Variants in PLEKHG1 observed in about 807,000 individuals in gnomAD.
PLEKHG1 encodes the protein pleckstrin homology domain-containing family G member 1.
In PLEKHG1, 44 loss-of-function variants were observed where a neutral mutation model predicts 100.8. The ratio of observed to expected loss-of-function variants is 0.44; its 90% CI spans 0.34 to 0.56. The LOEUF (loss-of-function observed/expected upper bound fraction) is 0.56, where lower values mean the gene tolerates loss of function less well. PLEKHG1 is among the 20% of genes least tolerant of loss of function. The probability of loss-of-function intolerance (pLI) is 0.01; values close to 1 mark genes in which losing one functional copy is unlikely to be tolerated. For missense variants in PLEKHG1, 1,545 were observed against 1,720.9 expected (o/e 0.90, Z 1.81); for synonymous variants, 640 against 662.5 (o/e 0.97, Z 0.52).
intron 10 of PLEKHG1, among the ~76,000 whole-genome samples, chr6:150,817,290 G>T (rs752516894): frequency 4.0e-4 from 61 of 152,180 alleles, no homozygotes; most frequent in Non-Finnish European, 7.2e-4. Context: ...CTTCAGGGCC[G>T]TCTCACTCTG....
chr6:150,830,161 G>A (rs1776836000), intron 14 of PLEKHG1, among the ~76,000 whole-genome samples: 1 of 152,146 alleles, frequency 6.6e-6, no homozygotes. Context: ...TGAACCTTTA[G>A]GAACCTAGAT....
Position 150,831,111 on chromosome 6 carries a change from A to C in PLEKHG1, c.2000A>C (p.Glu667Ala). 1 of 1,614,078 alleles carries C rather than the reference A, an allele frequency of 6.2e-7. No individual in the cohort carries two copies. Among genetic ancestry groups the C allele is most frequent in the Non-Finnish European group, 8.5e-7 (1 of 1,179,966 alleles). ...CATGTCTATGATAACATCAGTTATG[A>C]GGACTTAAAACTAATGGTTGCTAAG... The change falls in exon 15 of 16, where the codon GAG becomes GCG. Residue 667 changes from glutamate (E) to alanine (A), a missense_variant. By Grantham distance (107) the Glu-to-Ala change is moderately radical (BLOSUM62 -1). Coordinates refer to ENST00000358517, the Ensembl canonical transcript of PLEKHG1. The surrounding 1 kb of genome is among the most constrained non-coding windows in gnomAD (Gnocchi z 4.1).
intron 3 of PLEKHG1, among the ~76,000 whole-genome samples, chr6:150,702,407 T>A (rs984406781): frequency 6.6e-6 from 1 of 151,988 alleles, no homozygotes; most frequent in East Asian, 1.9e-4. Flanking sequence ...GAGGCAGAGG[T>A]TGCAGAGAGC....
At chr6:150,774,748 C>A (rs954773530) in intron 3 of PLEKHG1, among the ~76,000 whole-genome samples, 5 of 151,806 alleles carry the variant, frequency 3.3e-5, no homozygotes, top group Non-Finnish European at 7.4e-5. Flanking sequence ...CTGTGTTGGC[C>A]AGGCTGGTCA....
intron 3 of PLEKHG1, among the ~76,000 whole-genome samples, chr6:150,652,737 A>G (rs541956660): frequency 1.2e-3 from 179 of 151,426 alleles, no homozygotes; most frequent in African/African-American, 3.8e-3. Context: ...AAAAAAAAAG[A>G]AAAAAGGAAA....
At chr6:150,674,544 T>C (rs1315197248) in intron 3 of PLEKHG1, among the ~76,000 whole-genome samples, 1 of 151,930 alleles carries the variant, frequency 6.6e-6, no homozygotes, top group Non-Finnish European at 1.5e-5. Flanking sequence ...TATCAGTTAT[T>C]ATAGACCTAC....
chr6:150,721,126 C>A, exon 1 of PLEKHG1: 2 of 984,800 alleles, frequency 2.0e-6, no homozygotes, highest in Non-Finnish European at 1.2e-6. Flanking sequence ...CTAGCAAAGG[C>A]TGTTTCTTTT....
chr6:150,675,030 G>C (rs1019572833), intron 3 of PLEKHG1, among the ~76,000 whole-genome samples: 1 of 152,048 alleles, frequency 6.6e-6, no homozygotes, highest in African/African-American at 2.4e-5. Context: ...CAAACCGTTT[G>C]CTATTTAAAA....
chr6:150,692,368 G>T (rs978486607), intron 3 of PLEKHG1, among the ~76,000 whole-genome samples: 11 of 152,172 alleles, frequency 7.2e-5, no homozygotes, highest in Middle Eastern at 3.4e-3. Context: ...TCTTTTCCCA[G>T]ATTTCTTCAT....
intron 1 of PLEKHG1, among the ~76,000 whole-genome samples, chr6:150,619,188 G>C (rs1777192955): frequency 6.6e-6 from 1 of 152,172 alleles, no homozygotes; most frequent in South Asian, 2.1e-4. Flanking sequence ...AGATCCATTT[G>C]AGCTAGAGAC....
chr6:150,606,247 T>C (rs1776593571), intron 1 of PLEKHG1, among the ~76,000 whole-genome samples: 1 of 152,222 alleles, frequency 6.6e-6, no homozygotes, highest in African/African-American at 2.4e-5. Flanking sequence ...ATAATTCCTT[T>C]TGGCAGCTGT....
intron 6 of PLEKHG1, among the ~76,000 whole-genome samples, chr6:150,803,172 G>A (rs762782310): frequency 3.9e-5 from 6 of 152,198 alleles, no homozygotes; most frequent in Non-Finnish European, 7.4e-5. Context: ...CTAGCTAGAT[G>A]AAAAACTTGA....
intron 1 of PLEKHG1, among the ~76,000 whole-genome samples, chr6:150,614,299 T>G (rs1776969883): frequency 6.6e-6 from 1 of 152,148 alleles, no homozygotes; most frequent in Admixed American, 6.5e-5. Flanking sequence ...CTCCCCTTCT[T>G]GAACAGGCAA....
intron 2 of PLEKHG1, among the ~76,000 whole-genome samples, chr6:150,759,447 G>C (rs1293040745): frequency 1.3e-5 from 2 of 152,134 alleles, no homozygotes; most frequent in African/African-American, 2.4e-5. Context: ...CCCTCCTCCT[G>C]TTTAAATATA....
chr6:150,751,574 G>A (rs1446067404), intron 2 of PLEKHG1, among the ~76,000 whole-genome samples: 2 of 152,122 alleles, frequency 1.3e-5, no homozygotes, highest in Non-Finnish European at 2.9e-5. Flanking sequence ...TGAGGCCTGT[G>A]TCTTTCCCCA....
chr6:150,727,716 C>T (rs1473015175), intron 1 of PLEKHG1, among the ~76,000 whole-genome samples: 3 of 152,180 alleles, frequency 2.0e-5, no homozygotes, highest in Non-Finnish European at 4.4e-5. Flanking sequence ...CCCCCACCAC[C>T]TCCAGGTTTA....
At chr6:150,811,410 A>G (rs1431118915) in intron 10 of PLEKHG1, among the ~76,000 whole-genome samples, 1 of 151,976 alleles carries the variant, frequency 6.6e-6, no homozygotes, top group Non-Finnish European at 1.5e-5. Flanking sequence ...AGCTGGGACC[A>G]CAGGCTTGTG....
chr6:150,715,587 A>G (rs1340412722), intron 3 of PLEKHG1, among the ~76,000 whole-genome samples: 1 of 149,718 alleles, frequency 6.7e-6, no homozygotes, highest in Non-Finnish European at 1.5e-5. Context: ...GCCTGAGTTC[A>G]AGTGATTCTC....
intron 15 of PLEKHG1, among the ~76,000 whole-genome samples, chr6:150,835,449 G>A (rs1777176479): frequency 6.6e-6 from 1 of 152,096 alleles, no homozygotes; most frequent in Admixed American, 6.6e-5. Flanking sequence ...AATGTTGTTT[G>A]ATATTTCCCT....
Sources: gnomAD v4.1 joint callset for allele counts (sites outside exome capture counted in the v4.1 genomes callset) on GRCh38, gnomAD v4.1.1 for gene constraint, Gnocchi (gnomAD v3.1) non-coding constraint, MANE v1.5 for transcripts, NCBI Gene and HGNC (gene_info 2026-07-23, HGNC 2026-07-21) for gene names.